Variants in LRRC20 observed in about 807,000 individuals in gnomAD.
LRRC20 encodes leucine-rich repeat-containing protein 20.
Under a neutral mutation model 14.4 loss-of-function variants are expected in LRRC20, and 11 were observed. The ratio of observed to expected loss-of-function variants is 0.77; its 90% CI spans 0.48 to 1.27. LRRC20 has a LOEUF of 1.27. Among genes scored for constraint, LRRC20 ranks in the 50% most tolerant of loss-of-function variants. LRRC20 has a pLI of 0.00. For missense variants in LRRC20, 219 were observed against 251.2 expected (o/e 0.87, Z 0.87); for synonymous variants, 121 against 107.3 (o/e 1.13, Z -0.79).
At chr10:70,319,458 C>T (rs1841996392) in intron 4 of LRRC20, among the ~76,000 whole-genome samples, 1 of 152,176 alleles carries the variant, frequency 6.6e-6, no homozygotes, top group Admixed American at 6.5e-5. Context: ...TATGTCATCA[C>T]TCAGTCAGAC....
intron 4 of LRRC20, among the ~76,000 whole-genome samples, chr10:70,303,753 T>C (rs1231181844): frequency 6.6e-6 from 1 of 152,226 alleles, no homozygotes; most frequent in Non-Finnish European, 1.5e-5. Context: ...CCTAAGCTGA[T>C]GCCCCAGCTT....
chr10:70,310,405 C>T (rs1841607853), intron 4 of LRRC20, among the ~76,000 whole-genome samples: 1 of 152,178 alleles, frequency 6.6e-6, no homozygotes, highest in South Asian at 2.1e-4. Flanking sequence ...CTCCGCTTTG[C>T]CTTCAATACC....
At chr10:70,344,939 G>C (rs1002883530) in intron 2 of LRRC20, among the ~76,000 whole-genome samples, 2 of 152,152 alleles carry the variant, frequency 1.3e-5, no homozygotes, top group Non-Finnish European at 2.9e-5. Flanking sequence ...TCAAAATATT[G>C]AAACACCGGT....
In LRRC20 at chr10:70,357,428, C is replaced by T. The variant is rs550746449; in HGVS notation, c.83-16726G>A. Among the ~76,000 whole-genome samples, 10 of 152,308 alleles carry T rather than the reference C, an allele frequency of 6.6e-5. 1 individual carries two copies. The highest frequency in any genetic ancestry group is 2.1e-4 in the South Asian group (1 of 4,826). On this transcript the variant is annotated intron_variant, in intron 2 of 4. Coordinates refer to ENST00000446961, the MANE Select transcript of LRRC20 (RefSeq NM_001278212.2). ...AGGTGGTTCTGAGCATGAAATAAAA[C>T]GTCTGCAAGGCTCTTAGCACAGTGC... is the stretch of plus-strand genomic sequence containing the variant.
Position 70,300,433 on chromosome 10 carries a change from C to G in LRRC20, c.*921G>C, listed in dbSNP as rs768144067. On this transcript the variant is annotated 3_prime_UTR_variant, in exon 5 of 5. Transcript: ENST00000446961. The stretch of plus-strand genomic sequence containing the variant: ...CGTTGGCCTGGGAGCTGGCTGGCTA[C>G]AAATCCCGTGGTCCACATCGCCTTC... The G allele has an allele frequency of 1.8e-4, 177 of 985,444 alleles. No individual in the cohort carries two copies. The highest frequency in any genetic ancestry group is 2.1e-4 in the Non-Finnish European group (176 of 830,042). 61.0% of individuals were successfully genotyped at this position (985,444 alleles called of 1,614,324 possible).
chr10:70,322,633 T>G (rs1363071759), intron 4 of LRRC20, among the ~76,000 whole-genome samples: 10 of 152,034 alleles, frequency 6.6e-5, no homozygotes, highest in Admixed American at 6.5e-4. Context: ...CTTGGGAGCA[T>G]AAGACTGAAC....
At chr10:70,343,149 C>A (rs1402999332) in intron 2 of LRRC20, among the ~76,000 whole-genome samples, 1 of 152,226 alleles carries the variant, frequency 6.6e-6, no homozygotes, top group Non-Finnish European at 1.5e-5. Context: ...CTTTCTCTGA[C>A]TGTCCTAAGC....
intron 2 of LRRC20, among the ~76,000 whole-genome samples, chr10:70,359,289 G>A (rs895171984): frequency 1.4e-4 from 21 of 152,092 alleles, no homozygotes; most frequent in South Asian, 2.1e-4. Context: ...AGGCACAGTC[G>A]CTCATGCCTG....
At chr10:70,375,427 G>A (rs758185357) in intron 2 of LRRC20, among the ~76,000 whole-genome samples, 36 of 152,224 alleles carry the variant, frequency 2.4e-4, no homozygotes, top group Non-Finnish European at 4.6e-4. Context: ...CCTGGAAGAG[G>A]CAGTGATCAA....
At chr10:70,304,776 G>A (rs1315789423) in intron 4 of LRRC20, among the ~76,000 whole-genome samples, 10 of 151,928 alleles carry the variant, frequency 6.6e-5, no homozygotes, top group Admixed American at 6.6e-4. Context: ...TCATATAAGT[G>A]GACTCATATA....
chr10:70,376,553 C>T lies in LRRC20; in HGVS notation c.-20G>A, dbSNP rs375449722. 33 of 1,610,884 alleles carry T rather than the reference C, an allele frequency of 2.0e-5. No individual in the cohort carries two copies. The highest frequency in any genetic ancestry group is 2.6e-5 in the Non-Finnish European group (31 of 1,179,154). ...CAGCATGCAGACACAGGTGTCCTGC[C>T]GCCAGCCCCCAGGCTGGTCTGCTTC... On this transcript the variant is annotated 5_prime_UTR_variant, in exon 2 of 5. Transcript: ENST00000446961.
chr10:70,356,162 C>T (rs1185742157), intron 2 of LRRC20, among the ~76,000 whole-genome samples: 1 of 152,220 alleles, frequency 6.6e-6, no homozygotes, highest in South Asian at 2.1e-4. Context: ...AGGCAAGTTA[C>T]TTAACTCCAA....
intron 4 of LRRC20, among the ~76,000 whole-genome samples, chr10:70,309,270 G>C (rs1462915813): frequency 6.6e-6 from 1 of 152,216 alleles, no homozygotes; most frequent in Non-Finnish European, 1.5e-5. Context: ...AATGGGCCCA[G>C]CAAAGCAGGC....
chr10:70,347,297 T>G (rs76244714), intron 2 of LRRC20, among the ~76,000 whole-genome samples: 3,738 of 152,170 alleles, frequency 0.025, 177 homozygotes, highest in African/African-American at 0.086. Context: ...GAGCTGTGAA[T>G]AGGAGCTTTC....
intron 3 of LRRC20, among the ~76,000 whole-genome samples, chr10:70,338,752 CCGGGTTCAAG>C (rs1194571656): frequency 6.6e-6 from 1 of 152,218 alleles, no homozygotes; most frequent in African/African-American, 2.4e-5. Context: ...CCTCCACCTT[CCGGGTTCAAG>C]CGATTCTCCT....
At chr10:70,306,127 T>TCC (rs1407307097) in intron 4 of LRRC20, among the ~76,000 whole-genome samples, 10 of 145,140 alleles carry the variant, frequency 6.9e-5, no homozygotes, top group Admixed American at 3.5e-4. Context: ...TCTCTCTCTC[T>TCC]CCCCCACCCC....
At chr10:70,374,392 C>A (rs1427064498) in intron 2 of LRRC20, among the ~76,000 whole-genome samples, 1 of 148,518 alleles carries the variant, frequency 6.7e-6, no homozygotes, top group Non-Finnish European at 1.5e-5. Flanking sequence ...CTCCATCACC[C>A]AAGCTGGAGG....
Position 70,311,222 on chromosome 10 carries a change from A to ATTT in LRRC20, c.401-9717_401-9715dup, listed in dbSNP as rs11314061. On this transcript the variant is annotated intron_variant, in intron 4 of 4. Coordinates refer to ENST00000446961, the MANE Select transcript of LRRC20 (RefSeq NM_001278212.2). Reference sequence around the variant, plus strand: ...ACATCCAGGTTGTTTTCAACATTCCATTTTTTTTTTTTTTTTTTTTTTTTG... The same window carrying ATTT: ...ACATCCAGGTTGTTTTCAACATTCCATTTTTTTTTTTTTTTTTTTTTTTTTTTG... Among the ~76,000 whole-genome samples the ATTT allele has an allele frequency of 2.2e-3, 193 of 86,320 alleles. 2 individuals are homozygous for ATTT. The highest frequency in any genetic ancestry group is 6.8e-3 in the South Asian group (15 of 2,202). The allele number at this position is 86,320 out of a possible 152,430, so 56.6% of individuals were successfully genotyped here. A position where few individuals can be genotyped will look rare whatever the true frequency, so the allele number is the denominator to read the frequency against.
intron 3 of LRRC20, among the ~76,000 whole-genome samples, chr10:70,332,710 T>C (rs1057072638): frequency 2.0e-5 from 3 of 152,280 alleles, no homozygotes; most frequent in Non-Finnish European, 4.4e-5. Context: ...TGTTACTTTA[T>C]GCTCTGTTTG....
Sources: gnomAD v4.1 joint callset for allele counts (sites outside exome capture counted in the v4.1 genomes callset) on GRCh38, gnomAD v4.1.1 for gene constraint, MANE v1.5 for transcripts, NCBI Gene and HGNC (gene_info 2026-07-23, HGNC 2026-07-21) for gene names.